NFX1: variants seen among roughly 807,000 people sequenced by gnomAD.
NFX1 encodes nuclear transcription factor, X-box binding 1, also known as transcriptional repressor NF-X1.
Under a neutral mutation model 137.2 loss-of-function variants are expected in NFX1, and 69 were observed. That is an observed-to-expected ratio of 0.50 (90% CI 0.41 to 0.61). NFX1 has a LOEUF of 0.61. NFX1 is among the 20% of genes least tolerant of loss of function. The pLI is 0.00. For missense variants in NFX1, 1,167 were observed against 1,391.0 expected, an observed-to-expected ratio of 0.84 and a Z score of 2.56; for synonymous variants, 495 against 474.1, an observed-to-expected ratio of 1.04 and a Z score of -0.57.
intron 1 of NFX1, among the ~76,000 whole-genome samples, chr9:33,293,456 A>C (rs565835332): frequency 3.7e-4 from 56 of 152,248 alleles, no homozygotes; most frequent in African/African-American, 1.3e-3. Context: ...AACTTGCTTT[A>C]CTCTTCACTG....
intron 4 of NFX1, 63 bp downstream of exon 4, chr9:33,303,331 A>G (rs566108869): frequency 2.1e-6 from 3 of 1,419,034 alleles, no homozygotes; most frequent in Admixed American, 1.7e-5. Flanking sequence ...AGTTCAGGAA[A>G]GGTGGTCTGC....
intron 23 of NFX1, among the ~76,000 whole-genome samples, chr9:33,367,850 A>G (rs1231749045): frequency 6.6e-6 from 1 of 152,252 alleles, no homozygotes; most frequent in African/African-American, 2.4e-5. Context: ...GTCACTGGAC[A>G]TAATTTCCAT....
intron 19 of NFX1, among the ~76,000 whole-genome samples, chr9:33,355,471 C>T (rs756330478): frequency 6.6e-6 from 1 of 151,994 alleles, no homozygotes; most frequent in Non-Finnish European, 1.5e-5. Context: ...TGTCTGGCTT[C>T]TTTCGTTATA....
At position 33,369,992 on chromosome 9, in the gene NFX1, C is replaced by T. The variant is rs1824281144; in HGVS notation, c.*14C>T. 6 of 1,594,488 alleles carry T rather than the reference C, an allele frequency of 3.8e-6. No homozygotes were observed. The Admixed American group carries it at 8.4e-5, about 22-fold the overall frequency. ...GTCCAGGACTAAGAAGATCATGATG[C>T]ACTTAGATAAAAGAATGATTAGGTA... is the stretch of plus-strand genomic sequence containing the variant. On this transcript the variant is annotated 3_prime_UTR_variant, in exon 24 of 24. Coordinates refer to ENST00000379540, the MANE Select transcript of NFX1 (RefSeq NM_002504.6).
intron 14 of NFX1, among the ~76,000 whole-genome samples, chr9:33,345,031 G>C (rs190938632): frequency 6.6e-6 from 1 of 151,600 alleles, no homozygotes; most frequent in Non-Finnish European, 1.5e-5. Context: ...GCATTGTGGC[G>C]GGCACCTGTA....
intron 2 of NFX1, among the ~76,000 whole-genome samples, chr9:33,298,799 A>G (rs968595448): frequency 6.6e-6 from 1 of 152,146 alleles, no homozygotes; most frequent in Non-Finnish European, 1.5e-5. Context: ...AAAAAATATT[A>G]TTAAGCTGCT....
intron 9 of NFX1, among the ~76,000 whole-genome samples, chr9:33,325,207 A>G (rs1017163696): frequency 6.6e-6 from 1 of 152,220 alleles, no homozygotes; most frequent in Non-Finnish European, 1.5e-5. Flanking sequence ...AAAAATGCTA[A>G]AAGTTAATGA....
At chr9:33,369,762 AG>A (rs1195532918) in intron 23 of NFX1, 143 bp from the exon 24 acceptor site, 2 of 692,516 alleles carry the variant, frequency 2.9e-6, no homozygotes. Flanking sequence ...AAAGGGCAGA[AG>A]GAAAAAAAGT....
At chr9:33,332,261 A>G (rs1218907022) in intron 10 of NFX1, among the ~76,000 whole-genome samples, 1 of 152,148 alleles carries the variant, frequency 6.6e-6, no homozygotes, top group Non-Finnish European at 1.5e-5. Context: ...TTTTCATGAA[A>G]AGTCTGTAAG....
At chr9:33,292,528 TC>T (rs1438783201) in intron 1 of NFX1, among the ~76,000 whole-genome samples, 1 of 152,302 alleles carries the variant, frequency 6.6e-6, no homozygotes, top group East Asian at 1.9e-4. Context: ...TGACTAGACA[TC>T]CTGTTTACTA....
chr9:33,370,171 T>C lies in NFX1; in HGVS notation c.*193T>C. ...CCTGTCTGTATAAAGTGTTTCATTA[T>C]GACCAGATCTCTGATTGTATGGTCA... On this transcript the variant is annotated 3_prime_UTR_variant, in exon 24 of 24. Coordinates refer to ENST00000379540, the MANE Select transcript of NFX1 (RefSeq NM_002504.6). 2.0e-6 allele frequency: 1 copy of C among 510,404 alleles called. No individual in the cohort carries two copies. The highest frequency in any genetic ancestry group is 3.4e-6 in the Non-Finnish European group (1 of 292,250). The allele number at this position is 510,404 out of a possible 1,614,324, so 31.6% of individuals were successfully genotyped here. A position where few individuals can be genotyped will look rare whatever the true frequency, so the allele number is the denominator to read the frequency against.
chr9:33,303,373 T>A, intron 4 of NFX1, 105 bp downstream of exon 4: 1 of 922,552 alleles, frequency 1.1e-6, no homozygotes, highest in Non-Finnish European at 1.8e-6. Flanking sequence ...TAATGAGACT[T>A]CAAAGCTCTA....
At chr9:33,301,895 A>T (rs1437556880) in intron 3 of NFX1, among the ~76,000 whole-genome samples, 2 of 152,102 alleles carry the variant, frequency 1.3e-5, no homozygotes, top group African/African-American at 2.4e-5. Flanking sequence ...AACATGGCAA[A>T]ACTCCATCTC....
intron 18 of NFX1, 126 bp from the exon 19 acceptor site, chr9:33,354,725 C>T: frequency 1.2e-6 from 1 of 815,892 alleles, no homozygotes; most frequent in Non-Finnish European, 1.9e-6. Context: ...TGCTTCCTGG[C>T]CTGAGGGATT....
chr9:33,355,181 A>G (rs545811227), intron 19 of NFX1, among the ~76,000 whole-genome samples: 1 of 152,334 alleles, frequency 6.6e-6, no homozygotes, highest in South Asian at 2.1e-4. Flanking sequence ...ACTCAGAGAT[A>G]AGAGGTTTAA....
intron 5 of NFX1, 28 bp from the exon 6 acceptor site, chr9:33,311,078 T>G: frequency 6.2e-7 from 1 of 1,612,614 alleles, no homozygotes. Context: ...ATGGCTGTGG[T>G]TTATTCAGTG....
intron 5 of NFX1, among the ~76,000 whole-genome samples, chr9:33,309,169 A>G (rs1256752661): frequency 6.6e-6 from 1 of 152,088 alleles, no homozygotes; most frequent in African/African-American, 2.4e-5. Flanking sequence ...CATCCTGGCT[A>G]AGACGGTGCA....
intron 9 of NFX1, among the ~76,000 whole-genome samples, chr9:33,320,541 C>A (rs1052478553): frequency 6.6e-6 from 1 of 152,058 alleles, no homozygotes; most frequent in Non-Finnish European, 1.5e-5. Context: ...TTTAGTAATT[C>A]CCCCTTTCTT....
intron 11 of NFX1, among the ~76,000 whole-genome samples, chr9:33,334,014 G>T (rs1450232057): frequency 1.3e-5 from 2 of 152,120 alleles, no homozygotes; most frequent in South Asian, 2.1e-4. Flanking sequence ...GTACAGTGGC[G>T]CACCCCTGTA....
Sources: gnomAD v4.1 joint callset for allele counts (sites outside exome capture counted in the v4.1 genomes callset) on GRCh38, gnomAD v4.1.1 for gene constraint, MANE v1.5 for transcripts, NCBI Gene and HGNC (gene_info 2026-07-23, HGNC 2026-07-21) for gene names.